Variants in LRMDA observed in about 807,000 individuals in gnomAD.
LRMDA encodes leucine rich melanocyte differentiation associated, also known as leucine-rich melanocyte differentiation-associated protein.
A neutral mutation model predicts 29.8 loss-of-function variants in LRMDA; 18 were observed. That is an observed-to-expected ratio of 0.60 (90% CI 0.42 to 0.90). The LOEUF (loss-of-function observed/expected upper bound fraction) is 0.90, where lower values mean the gene tolerates loss of function less well. Ranked by LOEUF, LRMDA falls within the 40% of genes least tolerant of loss-of-function variation. The pLI is 0.00. For synonymous variants in LRMDA, 125 were observed against 109.4 expected (o/e 1.14, Z -0.89); for missense variants, 273 against 273.9 (o/e 1.00, Z 0.02).
chr10:76,121,591 C>CTTCTCCCCTTAATGTCA, intron 5 of LRMDA, among the ~76,000 whole-genome samples: 1 of 152,178 alleles, frequency 6.6e-6, no homozygotes, highest in South Asian at 2.1e-4. Flanking sequence ...TGAGAGGAAA[C>CTTCTCCCCTTAATGTCA]TTCTCCCCTT....
intron 6 of LRMDA, among the ~76,000 whole-genome samples, chr10:76,352,348 G>A (rs144140005): frequency 2.6e-5 from 4 of 152,198 alleles, no homozygotes; most frequent in Admixed American, 2.6e-4. Context: ...GAATATTCCA[G>A]CATCACTACG....
chr10:75,514,934 C>CCGATG (rs1217810689), intron 2 of LRMDA, among the ~76,000 whole-genome samples: 1 of 151,882 alleles, frequency 6.6e-6, no homozygotes, highest in Non-Finnish European at 1.5e-5. Flanking sequence ...CTGGGCCTTT[C>CCGATG]CGATGACTCT....
At chr10:75,836,610 A>G (rs1844441771) in intron 2 of LRMDA, among the ~76,000 whole-genome samples, 1 of 152,172 alleles carries the variant, frequency 6.6e-6, no homozygotes, top group African/African-American at 2.4e-5. Context: ...GGAATCTTCT[A>G]TTCAGCACAC....
At chr10:75,663,678 G>A (rs1007165843) in intron 2 of LRMDA, among the ~76,000 whole-genome samples, 7 of 152,270 alleles carry the variant, frequency 4.6e-5, no homozygotes, top group Non-Finnish European at 8.8e-5. Flanking sequence ...GTTCTGACTT[G>A]GCCTTCATTG....
intron 5 of LRMDA, among the ~76,000 whole-genome samples, chr10:76,257,520 G>A (rs763688506): frequency 3.9e-5 from 6 of 152,012 alleles, no homozygotes; most frequent in South Asian, 2.1e-4. Context: ...TTTTAGTAGA[G>A]ACGGAGTTTC....
intron 5 of LRMDA, among the ~76,000 whole-genome samples, chr10:76,140,925 C>A (rs1280346600): frequency 2.6e-5 from 4 of 152,050 alleles, no homozygotes; most frequent in African/African-American, 9.7e-5. Flanking sequence ...TGCCTATTTA[C>A]AAATTATTCT....
chr10:76,275,677 T>C (rs2132326756), intron 5 of LRMDA, among the ~76,000 whole-genome samples: 1 of 152,272 alleles, frequency 6.6e-6, no homozygotes, highest in East Asian at 1.9e-4. Context: ...TCTTTTTAAA[T>C]CCATTAAATT....
chr10:75,634,055 G>A (rs74147139), intron 2 of LRMDA, among the ~76,000 whole-genome samples: 4,094 of 152,220 alleles, frequency 0.027, 182 homozygotes, highest in African/African-American at 0.093. Flanking sequence ...ATCTCTTAGG[G>A]TCAAAGGAGA....
intron 2 of LRMDA, among the ~76,000 whole-genome samples, chr10:75,679,960 A>G (rs1055265437): frequency 7.9e-5 from 12 of 152,192 alleles, no homozygotes; most frequent in African/African-American, 2.4e-4. Context: ...CATGGTAGCA[A>G]TGGTTTTAAA....
chr10:76,359,059 A>C (rs7097021), intron 6 of LRMDA, among the ~76,000 whole-genome samples: 139,317 of 152,162 alleles, frequency 0.92, 64,479 homozygotes, highest in Non-Finnish European at 0.96. Context: ...CCCATCCACT[A>C]GGGCTCCTGT....
At chr10:76,300,404 T>C (rs1840465568) in intron 5 of LRMDA, among the ~76,000 whole-genome samples, 1 of 152,202 alleles carries the variant, frequency 6.6e-6, no homozygotes, top group Admixed American at 6.5e-5. Flanking sequence ...ATATTATCCA[T>C]TGATCATGGT....
intron 2 of LRMDA, among the ~76,000 whole-genome samples, chr10:76,024,416 G>A (rs181120241): frequency 1.3e-5 from 2 of 152,330 alleles, no homozygotes; most frequent in South Asian, 2.1e-4. Context: ...TCTTTGAGAG[G>A]TTTTGTGAAC....
chr10:76,064,032 C>A (rs1273981309), intron 5 of LRMDA, among the ~76,000 whole-genome samples: 1 of 152,112 alleles, frequency 6.6e-6, no homozygotes, highest in African/African-American at 2.4e-5. Context: ...AAGGAATGAA[C>A]CATGAACAGC....
At chr10:76,436,499 T>TA (rs1842246090) in intron 6 of LRMDA, among the ~76,000 whole-genome samples, 1 of 152,156 alleles carries the variant, frequency 6.6e-6, no homozygotes, top group South Asian at 2.1e-4. Context: ...TCTACGGGTT[T>TA]CAAAGTGAAC....
intron 2 of LRMDA, among the ~76,000 whole-genome samples, chr10:75,934,162 T>G (rs1846249032): frequency 6.6e-6 from 1 of 152,182 alleles, no homozygotes; most frequent in South Asian, 2.1e-4. Context: ...CTAAGGAAAG[T>G]GAAATATGAG....
At chr10:76,470,991 G>C (rs1030759114) in intron 6 of LRMDA, among the ~76,000 whole-genome samples, 1 of 151,766 alleles carries the variant, frequency 6.6e-6, no homozygotes, top group African/African-American at 2.4e-5. Context: ...AAAATAATAT[G>C]TATGTAATTA....
intron 5 of LRMDA, among the ~76,000 whole-genome samples, chr10:76,226,534 G>A (rs1297389264): frequency 2.6e-5 from 4 of 152,146 alleles, no homozygotes; most frequent in Admixed American, 2.6e-4. Context: ...AGTGACCCGA[G>A]ATCACGCCAT....
intron 2 of LRMDA, among the ~76,000 whole-genome samples, chr10:75,586,910 T>G (rs190945787): frequency 1.1e-3 from 163 of 152,318 alleles, no homozygotes; most frequent in African/African-American, 3.7e-3. Context: ...AAATATTTTC[T>G]CCCATTCTAT....
chr10:75,981,464 T>C (rs543237905), intron 2 of LRMDA, among the ~76,000 whole-genome samples: 179 of 152,308 alleles, frequency 1.2e-3, no homozygotes, highest in African/African-American at 4.1e-3. Context: ...AAATAACATA[T>C]AACAGGGTGG....
Sources: gnomAD v4.1 joint callset for allele counts (sites outside exome capture counted in the v4.1 genomes callset) on GRCh38, gnomAD v4.1.1 for gene constraint, MANE v1.5 for transcripts, NCBI Gene and HGNC (gene_info 2026-07-23, HGNC 2026-07-21) for gene names.